Variants in NFYC observed in about 807,000 individuals in gnomAD.
NFYC encodes the protein nuclear transcription factor Y subunit gamma, also known as CAAT box DNA-binding protein subunit C.
A neutral mutation model predicts 53.1 loss-of-function variants in NFYC; 25 were observed. The observed-to-expected ratio is 0.47, with a 90% confidence interval of 0.34 to 0.66. The LOEUF is 0.66. NFYC is among the 30% of genes least tolerant of loss of function. The pLI is 0.01. For missense variants in NFYC, 260 were observed against 422.7 expected (o/e 0.62, Z 3.38); for synonymous variants, 145 against 152.6 (o/e 0.95, Z 0.37).
chr1:40,739,709 A>G (rs937829621), intron 2 of NFYC, among the ~76,000 whole-genome samples: 10 of 152,242 alleles, frequency 6.6e-5, no homozygotes, highest in African/African-American at 2.2e-4. Flanking sequence ...GGTATTTACT[A>G]AGTACTTACT....
intron 2 of NFYC, among the ~76,000 whole-genome samples, chr1:40,741,667 A>G (rs747250104): frequency 7.4e-5 from 11 of 149,380 alleles, no homozygotes; most frequent in Non-Finnish European, 1.3e-4. Context: ...TAGTGGTACA[A>G]TTATGGCTCA....
At chr1:40,713,136 G>A (rs1212011090) in intron 1 of NFYC, among the ~76,000 whole-genome samples, 1 of 152,168 alleles carries the variant, frequency 6.6e-6, no homozygotes, top group Non-Finnish European at 1.5e-5. Flanking sequence ...AACTCATGGG[G>A]GTTTCTTTTA....
chr1:40,765,499 T>C (rs905199890), intron 7 of NFYC, among the ~76,000 whole-genome samples: 1 of 152,168 alleles, frequency 6.6e-6, no homozygotes, highest in African/African-American at 2.4e-5. Flanking sequence ...AGTCCTGCAG[T>C]GAAGTTAGCT....
intron 1 of NFYC, among the ~76,000 whole-genome samples, chr1:40,731,742 T>C (rs2361649): frequency 0.88 from 133,170 of 151,878 alleles, 58,495 homozygotes; most frequent in East Asian, 0.98. Flanking sequence ...CCTCGGCCTC[T>C]CAAAGTGCTG....
chr1:40,766,754 C>T (rs1433544685), intron 8 of NFYC, 51 bp downstream of exon 8: 2 of 1,571,040 alleles, frequency 1.3e-6, no homozygotes, highest in Non-Finnish European at 1.8e-6. Context: ...GAGCAGATGG[C>T]TTCTGACAGG....
intron 1 of NFYC, among the ~76,000 whole-genome samples, chr1:40,705,691 A>G (rs1424631294): frequency 1.3e-5 from 2 of 152,220 alleles, no homozygotes; most frequent in African/African-American, 4.8e-5. Flanking sequence ...ACCATTGGCT[A>G]GGTCTCTAAC....
intron 1 of NFYC, among the ~76,000 whole-genome samples, chr1:40,709,895 C>T (rs1643880689): frequency 6.6e-6 from 1 of 152,210 alleles, no homozygotes; most frequent in Non-Finnish European, 1.5e-5. Flanking sequence ...GTAAACTTAA[C>T]TGTTTTCCAA....
At chr1:40,769,287 T>C in intron 8 of NFYC, 69 bp from the exon 9 acceptor site, 2 of 1,495,006 alleles carry the variant, frequency 1.3e-6, no homozygotes, top group Non-Finnish European at 1.9e-6. Flanking sequence ...ATGACCCTCT[T>C]TTGGGTGGTG....
At chr1:40,725,663 G>A (rs1644484737) in intron 1 of NFYC, among the ~76,000 whole-genome samples, 1 of 151,746 alleles carries the variant, frequency 6.6e-6, no homozygotes, top group Non-Finnish European at 1.5e-5. Flanking sequence ...TCCTTTCTCT[G>A]TATCTCCCAT....
intron 1 of NFYC, among the ~76,000 whole-genome samples, chr1:40,703,487 A>AAAAAAAAAAAC (rs1643545450): frequency 6.6e-6 from 1 of 150,904 alleles, no homozygotes; most frequent in Admixed American, 6.6e-5. Context: ...CCCTAAAAAA[A>AAAAAAAAAAAC]AAAAAAAGAA....
intron 1 of NFYC, among the ~76,000 whole-genome samples, chr1:40,737,271 C>T (rs537438077): frequency 6.6e-6 from 1 of 151,996 alleles, no homozygotes; most frequent in Non-Finnish European, 1.5e-5. Flanking sequence ...CCTCCTTTGT[C>T]ACAAAGCAGT....
At chr1:40,715,224 T>G (rs1644088267) in intron 1 of NFYC, among the ~76,000 whole-genome samples, 1 of 151,806 alleles carries the variant, frequency 6.6e-6, no homozygotes, top group South Asian at 2.1e-4. Flanking sequence ...GCCAACATGG[T>G]GAAACCCAGC....
In NFYC at chr1:40,731,501, C is replaced by T. The variant is rs111695954; in HGVS notation, c.-8-7335C>T. Among the ~76,000 whole-genome samples, 18 of 146,820 alleles carry T rather than the reference C, an allele frequency of 1.2e-4. 2 individuals carry two copies. Among genetic ancestry groups the T allele is most frequent in the African/African-American group, 3.3e-4 (13 of 39,578 alleles). ...CTTTTTCTTTTTCTTTTGGCGGGGG[C>T]GGGGGACAGAGTCTTGCTCTGTTGC... On this transcript the variant is annotated intron_variant, in intron 1 of 9. Transcript: ENST00000447388.
chr1:40,730,932 A>G (rs1644741325), intron 1 of NFYC, among the ~76,000 whole-genome samples: 1 of 151,918 alleles, frequency 6.6e-6, no homozygotes, highest in Non-Finnish European at 1.5e-5. Flanking sequence ...GGCCGGGGTC[A>G]CTCTCTGTGT....
intron 1 of NFYC, among the ~76,000 whole-genome samples, chr1:40,700,012 G>A (rs1157936913): frequency 6.6e-6 from 1 of 152,168 alleles, no homozygotes; most frequent in African/African-American, 2.4e-5. Flanking sequence ...CCTAATAAAC[G>A]TTTCATGCTA....
chr1:40,703,523 A>G (rs975334912), intron 1 of NFYC, among the ~76,000 whole-genome samples: 1 of 145,634 alleles, frequency 6.9e-6, no homozygotes, highest in Non-Finnish European at 1.5e-5. Context: ...GCAGTTAACC[A>G]CATTTCCTAC....
At chr1:40,736,551 A>G (rs1277141227) in intron 1 of NFYC, among the ~76,000 whole-genome samples, 1 of 152,150 alleles carries the variant, frequency 6.6e-6, no homozygotes, top group Admixed American at 6.5e-5. Context: ...TGGCACGTTA[A>G]ACCTTTTCAA....
At chr1:40,716,387 C>G (rs1191982559) in intron 1 of NFYC, among the ~76,000 whole-genome samples, 7 of 152,134 alleles carry the variant, frequency 4.6e-5, no homozygotes, top group Admixed American at 3.9e-4. Context: ...AAAAGTACAT[C>G]TTGGGTTAAG....
At chr1:40,695,111 C>T (rs970755862) in intron 1 of NFYC, among the ~76,000 whole-genome samples, 6 of 151,894 alleles carry the variant, frequency 4.0e-5, no homozygotes, top group Non-Finnish European at 8.8e-5. Context: ...TGGTGGTGGG[C>T]GCCTGTAATC....
Sources: allele counts gnomAD v4.1 joint callset (sites outside exome capture counted in the v4.1 genomes callset), GRCh38; gene constraint gnomAD v4.1.1; transcripts MANE v1.5; gene names NCBI Gene and HGNC (gene_info 2026-07-23, HGNC 2026-07-21).